MAOB: variants seen among roughly 807,000 people sequenced by gnomAD.
The protein encoded by MAOB is amine oxidase [flavin-containing] B.
In MAOB, 15 loss-of-function variants were observed where a neutral mutation model predicts 41.9. That is an observed-to-expected ratio of 0.36 (90% CI 0.24 to 0.55). The LOEUF is 0.55. Ranked by LOEUF, MAOB falls within the 20% of genes least tolerant of loss-of-function variation. MAOB has a pLI of 0.86. For missense variants in MAOB, 345 were observed against 398.7 expected (o/e 0.87, Z 1.15); for synonymous variants, 167 against 144.2 (o/e 1.16, Z -1.13).
intron 3 of MAOB, among the ~76,000 whole-genome samples, chrX:43,832,107 T>C (rs1319287106): frequency 1.8e-5 from 2 of 112,046 alleles, no homozygotes; most frequent in Non-Finnish European, 3.8e-5. Flanking sequence ...AATGCTGCTA[T>C]GACAAAATTT....
At chrX:43,771,312 GCTTT>G (rs1245709946) in intron 12 of MAOB, among the ~76,000 whole-genome samples, 2 of 111,727 alleles carry the variant, frequency 1.8e-5, no homozygotes, top group Non-Finnish European at 3.8e-5. Flanking sequence ...TATAAAATAC[GCTTT>G]CTGTTAGATG....
intron 3 of MAOB, among the ~76,000 whole-genome samples, chrX:43,825,163 G>A (rs890646851): frequency 5.7e-4 from 64 of 111,887 alleles, no homozygotes; most frequent in African/African-American, 1.9e-3. Flanking sequence ...CGGACATTAA[G>A]TATTTACACC....
intron 5 of MAOB, among the ~76,000 whole-genome samples, chrX:43,800,379 A>C (rs2034578101): frequency 8.9e-6 from 1 of 111,781 alleles, no homozygotes; most frequent in African/African-American, 3.2e-5. Flanking sequence ...TGAAAATCTA[A>C]AGTATATAAT....
intron 3 of MAOB, among the ~76,000 whole-genome samples, chrX:43,827,802 T>C (rs2034968081): frequency 8.9e-6 from 1 of 112,039 alleles, no homozygotes; most frequent in African/African-American, 3.2e-5. Flanking sequence ...TGGTGGGGCA[T>C]ATCATTTAGG....
intron 3 of MAOB, among the ~76,000 whole-genome samples, chrX:43,818,678 C>T (rs1005667294): frequency 8.9e-6 from 1 of 112,745 alleles, no homozygotes; most frequent in African/African-American, 3.2e-5. Context: ...AAACTACTGA[C>T]AGGCTCGGAC....
Position 43,766,631 on chromosome X carries a change from T to TTTAA in MAOB, c.*831_*834dup, listed in dbSNP as rs768159471. Reference sequence around the variant, plus strand: ...CAGATATGGTCAATCAACTTTTATTTTTAATTACCCAAGTGTGTACTGTCC... The same window carrying TTTAA: ...CAGATATGGTCAATCAACTTTTATTTTTAATTAATTACCCAAGTGTGTACTGTCC... On this transcript the variant is annotated 3_prime_UTR_variant, in exon 15 of 15. Coordinates refer to ENST00000378069, the MANE Select transcript of MAOB (RefSeq NM_000898.5). 6.6e-4 allele frequency: 74 copies of TTTAA among 111,989 alleles called. No individual in the cohort carries two copies. The highest frequency in any genetic ancestry group is 2.3e-3 in the African/African-American group (70 of 30,813). 9.2% of individuals were successfully genotyped at this position (111,989 alleles called of 1,213,427 possible).
intron 3 of MAOB, among the ~76,000 whole-genome samples, chrX:43,807,748 G>A (rs766175639): frequency 6.2e-5 from 7 of 112,008 alleles, no homozygotes; most frequent in Admixed American, 9.5e-5. Context: ...TATTATTACC[G>A]CAGCTGCTAC....
At chrX:43,778,950 C>G (rs2034295482) in intron 10 of MAOB, among the ~76,000 whole-genome samples, 1 of 111,822 alleles carries the variant, frequency 8.9e-6, no homozygotes, top group Admixed American at 9.5e-5. Context: ...CACAGGATTG[C>G]TGGTAAGTCT....
chrX:43,881,367 T>C (rs1263192752), intron 1 of MAOB, among the ~76,000 whole-genome samples: 2 of 113,129 alleles, frequency 1.8e-5, no homozygotes, highest in East Asian at 5.6e-4. Context: ...GCTCAAGTAC[T>C]AGGCAGCGTT....
chrX:43,877,534 C>A (rs1411735529), intron 1 of MAOB, among the ~76,000 whole-genome samples: 1 of 111,642 alleles, frequency 9.0e-6, no homozygotes, highest in African/African-American at 3.3e-5. Flanking sequence ...ATGTAGATAA[C>A]GCTTGATATG....
intron 3 of MAOB, among the ~76,000 whole-genome samples, chrX:43,812,866 T>A (rs1209191439): frequency 8.9e-6 from 1 of 111,908 alleles, no homozygotes; most frequent in African/African-American, 3.3e-5. Context: ...ATTGTCCACA[T>A]AGAAAGAAAT....
chrX:43,802,139 C>T lies in MAOB; in HGVS notation c.476+33G>A, dbSNP rs1387545930. 3.6e-6 allele frequency: 4 copies of T among 1,106,895 alleles called. No homozygotes were observed. In the Admixed American group the frequency reaches 9.0e-5, roughly 25 times the overall value. 91.2% of individuals were successfully genotyped at this position (1,106,895 alleles called of 1,213,427 possible). On this transcript the variant is annotated intron_variant, in intron 5 of 14. Transcript: ENST00000378069. ...GCTAAATAAACCTAAAAGGTGGTCA[C>T]AGTAAATGCCTGTGCCTAATGGCAA...
chrX:43,802,014 A>T (rs2034600491), intron 5 of MAOB, among the ~76,000 whole-genome samples, 158 bp downstream of exon 5: 1 of 113,092 alleles, frequency 8.8e-6, no homozygotes, highest in African/African-American at 3.2e-5. Flanking sequence ...AGATATCTTC[A>T]GGGTAGGAGC....
intron 1 of MAOB, among the ~76,000 whole-genome samples, chrX:43,844,139 T>C (rs752474869): frequency 1.3e-4 from 14 of 111,125 alleles, no homozygotes; most frequent in African/African-American, 4.3e-4. Flanking sequence ...TCAGGGTAAA[T>C]ATGAAAAACT....
chrX:43,789,444 T>C (rs3027448), intron 8 of MAOB, among the ~76,000 whole-genome samples: 5,554 of 112,193 alleles, frequency 0.05, 124 homozygotes, highest in Middle Eastern at 0.093. Flanking sequence ...CTTCTGCCAT[T>C]GAAAACATAA....
rs1181398583 is a variant in MAOB at position 43,823,165 on chromosome X, CTTT to C, written c.279+15700_279+15702del. ...GCTCTCAGTATCTAAAACAGATGGT[CTTT>C]TTTTTTTTTTTTTTTTTTTTTTGAG... On this transcript the variant is annotated intron_variant, in intron 3 of 14. Coordinates refer to ENST00000378069, the MANE Select transcript of MAOB (RefSeq NM_000898.5). Among the ~76,000 whole-genome samples, 191 of 60,057 alleles carry C rather than the reference CTTT, an allele frequency of 3.2e-3. 1 individual carries two copies. Among genetic ancestry groups the C allele is most frequent in the African/African-American group, 0.012 (165 of 13,823 alleles). The allele number at this position is 60,057 out of a possible 115,157, so 52.2% of individuals were successfully genotyped here. A position where few individuals can be genotyped will look rare whatever the true frequency, so the allele number is the denominator to read the frequency against.
intron 5 of MAOB, 110 bp from the exon 6 acceptor site, chrX:43,797,376 G>A (rs2034542041): frequency 1.7e-6 from 1 of 576,553 alleles, no homozygotes. Flanking sequence ...AAAACAATGT[G>A]GTAAGGTCAA....
At chrX:43,807,535 C>A (rs965261122) in intron 3 of MAOB, among the ~76,000 whole-genome samples, 1 of 112,456 alleles carries the variant, frequency 8.9e-6, no homozygotes, top group African/African-American at 3.2e-5. Flanking sequence ...AGAGCATGGG[C>A]TCTGGAGCCA....
chrX:43,778,778 G>T, intron 10 of MAOB, 39 bp from the exon 11 acceptor site: 1 of 1,070,881 alleles, frequency 9.3e-7, no homozygotes. Flanking sequence ...ATAAAGGAAA[G>T]AAGGGAGGGA....
Sources: gnomAD v4.1 joint callset for allele counts (sites outside exome capture counted in the v4.1 genomes callset) on GRCh38, gnomAD v4.1.1 for gene constraint, MANE v1.5 for transcripts, NCBI Gene and HGNC (gene_info 2026-07-23, HGNC 2026-07-21) for gene names.